LILRB1: variants seen among roughly 807,000 people sequenced by gnomAD.
LILRB1 encodes leukocyte immunoglobulin like receptor B1, also known as leukocyte immunoglobulin-like receptor subfamily B member 1.
In LILRB1, 59 loss-of-function variants were observed where a neutral mutation model predicts 74.6. The ratio of observed to expected loss-of-function variants is 0.79; its 90% confidence interval spans 0.64 to 0.98. LILRB1 has a LOEUF of 0.98. Ranked by LOEUF, LILRB1 falls within the 50% of genes least tolerant of loss-of-function variation. The pLI is 0.00. For synonymous variants in LILRB1, 328 were observed against 333.9 expected (o/e 0.98, Z 0.19); for missense variants, 804 against 822.6 (o/e 0.98, Z 0.28).
intron 10 of LILRB1, 139 bp downstream of exon 10, chr19:54,634,902 C>A: frequency 1.3e-6 from 2 of 1,497,054 alleles, no homozygotes; most frequent in South Asian, 1.3e-5. Flanking sequence ...GACAGTCAGT[C>A]CCATCTACAA....
At chr19:54,636,247 G>A (rs1033247521) in intron 13 of LILRB1, 16 of 720,442 alleles carry the variant, frequency 2.2e-5, no homozygotes, top group East Asian at 1.6e-4. Flanking sequence ...ACCCTGCAAA[G>A]GCCCCCAGGC....
intron 1 of LILRB1, among the ~76,000 whole-genome samples, chr19:54,623,458 T>C (rs1017095641): frequency 3.3e-5 from 5 of 152,222 alleles, no homozygotes; most frequent in African/African-American, 1.2e-4. Context: ...AAGGTGTTCA[T>C]AGTAGTCTCT....
chr19:54,634,506 T>C, intron 9 of LILRB1, 135 bp from the exon 10 acceptor site: 3 of 1,519,598 alleles, frequency 2.0e-6, no homozygotes, highest in Non-Finnish European at 1.8e-6. Context: ...GTACAGTGGG[T>C]GGGGTGGATG....
intron 9 of LILRB1, chr19:54,634,314 G>T (rs774012374): frequency 1.3e-6 from 2 of 1,540,462 alleles, no homozygotes; most frequent in Non-Finnish European, 1.8e-6. Flanking sequence ...CCTGGGGCAG[G>T]GGAGGGGAGA....
Position 54,633,219 on chromosome 19 carries a change from ACCT to A in LILRB1, c.1164_1166del (p.Ser389del), listed in dbSNP as rs778537727. 6.2e-7 allele frequency: 1 copy of A among 1,614,102 alleles called. No individual in the cohort carries two copies. Among genetic ancestry groups the A allele is most frequent in the African/African-American group, 1.3e-5 (1 of 75,016 alleles). On this transcript the variant is annotated inframe_deletion, in exon 7 of 15. Coordinates refer to ENST00000324602, the MANE Select transcript of LILRB1 (RefSeq NM_001081637.3). ...GGCTGAATTCCCCATGGGTCCTGTG[ACCT>A]CAGCCCATGCGGGGACCTACAGGTG...
At chr19:54,627,802 A>G (rs1448499591), upstream of LILRB1, among the ~76,000 whole-genome samples, 2 of 152,208 alleles carry the variant, frequency 1.3e-5, no homozygotes, top group African/African-American at 4.8e-5. Context: ...TCCTCACAGA[A>G]GAAGACTTCT....
rs201209520 is a variant in LILRB1 at position 54,631,500 on chromosome 19, G to A, written c.71G>A (p.Gly24Glu). Residue 24 changes from glycine to glutamate, a missense_variant and splice_region_variant, in exon 4 of 15, where the codon GGG (glycine) becomes GAG (glutamate). Physicochemically the swap from Gly to Glu is moderately conservative, Grantham distance 98 (BLOSUM62 -2). Transcript: ENST00000324602. ...SLGPRTHVQA[G>E]HLPKPTLWAE... ...AATCTGACTCCTGATTTCCTTCCAG[G>A]GCACCTCCCCAAGCCCACCCTCTGG... 1.5e-5 allele frequency: 24 copies of A among 1,607,084 alleles called. No individual in the cohort carries two copies. The African/African-American group carries it at 2.8e-4, about 19-fold the overall frequency.
rs749360531 is a variant in LILRB1, at chr19:54,632,008, G to T, written c.432G>T (p.Gln144His). The T allele has an allele frequency of 2.5e-6, 4 of 1,614,050 alleles. No individual in the cohort carries two copies. The highest frequency in any genetic ancestry group is 1.7e-5 in the Admixed American group (1 of 60,016). Residue 144 changes from glutamine (Q) to histidine (H), a missense_variant, in exon 5 of 15, where the codon CAG becomes CAT. Physicochemically the swap from Gln to His is conservative, Grantham distance 24. Coordinates refer to ENST00000324602, the MANE Select transcript of LILRB1 (RefSeq NM_001081637.3). ...ACTCAGGAGGGAATGTAACCCTCCAGTGTGACTCACAGGTGGCATTTGATG... is the reference window on the plus strand; with the variant it reads ...ACTCAGGAGGGAATGTAACCCTCCATTGTGACTCACAGGTGGCATTTGATG... ...VVNSGGNVTL[Q>H]CDSQVAFDGF...
intron 12 of LILRB1, 81 bp from the exon 13 acceptor site, chr19:54,635,476 G>A: frequency 1.3e-6 from 2 of 1,552,042 alleles, no homozygotes; most frequent in Non-Finnish European, 1.8e-6. Context: ...GGCCCCATCT[G>A]GGAGCTGAGC....
At position 54,636,928 on chromosome 19, in the gene LILRB1, G is replaced by T; in HGVS notation, c.*50G>T. ...ACTCCATGGAGTCTGGAATGCATGG[G>T]AGCTGCCCCCCCAGTGGACACCATT... On this transcript the variant is annotated 3_prime_UTR_variant, in exon 15 of 15. Transcript: ENST00000324602. 1 of 1,609,320 alleles carries T rather than the reference G, an allele frequency of 6.2e-7. No homozygotes were observed. Among genetic ancestry groups the T allele is most frequent in the Non-Finnish European group, 8.5e-7 (1 of 1,176,816 alleles).
chr19:54,616,914 C>T (rs2063324130), upstream of LILRB1, among the ~76,000 whole-genome samples: 1 of 152,134 alleles, frequency 6.6e-6, no homozygotes, highest in South Asian at 2.1e-4. Flanking sequence ...GAGTGGCCTA[C>T]AGGGAACACC....
At chr19:54,624,157 C>T (rs1049997325) in intron 1 of LILRB1, among the ~76,000 whole-genome samples, 6 of 152,190 alleles carry the variant, frequency 3.9e-5, no homozygotes, top group African/African-American at 1.2e-4. Flanking sequence ...CTGGAACCCC[C>T]GGCTTGCCCA....
Position 54,632,676 on chromosome 19 carries a change from G to A in LILRB1, c.874G>A (p.Gly292Arg), listed in dbSNP as rs1183360601. The A allele has an allele frequency of 1.4e-5, 22 of 1,613,376 alleles. No individual in the cohort carries two copies. The highest frequency in any genetic ancestry group is 1.8e-4 in the Middle Eastern group (1 of 5,594). ...FTLGPVSRSY[G>R]GQYRCYGAHN... The stretch of plus-strand genomic sequence containing the variant: ...CCTGGGCCCTGTGAGCCGCTCCTAC[G>A]GGGGCCAGTACAGATGCTACGGTGC... The change falls in exon 6 of 15, where the codon GGG becomes AGG. Residue 292 changes from glycine to arginine, a missense_variant. Physicochemically the swap from Gly to Arg is moderately radical, Grantham distance 125. Coordinates refer to ENST00000324602, the MANE Select transcript of LILRB1 (RefSeq NM_001081637.3).
At chr19:54,633,935 G>A in intron 8 of LILRB1, 36 bp from the exon 9 acceptor site, 2 of 1,570,930 alleles carry the variant, frequency 1.3e-6, no homozygotes, top group Non-Finnish European at 1.7e-6. Flanking sequence ...TGGGGAGCAG[G>A]GCAGCCCCAG....
At chr19:54,626,059 A>G (rs890110024), upstream of LILRB1, among the ~76,000 whole-genome samples, 4 of 152,140 alleles carry the variant, frequency 2.6e-5, no homozygotes, top group Non-Finnish European at 4.4e-5. Flanking sequence ...GAACCCCAGC[A>G]TCCTCTTGGA....
rs2064117294 is a variant in LILRB1 at position 54,633,636 on chromosome 19, AG to A, written c.1262del. On this transcript the variant is annotated splice_acceptor_variant, in intron 7 of 14. Transcript: ENST00000324602. LOFTEE classifies it high-confidence loss of function. Reference sequence around the variant, plus strand: ...TCAGCCTCCTCTCATTCTTTTACCCAGGACCGTCTGGGGGCCCCAGCTCCCC... The same window carrying A: ...TCAGCCTCCTCTCATTCTTTTACCCAGACCGTCTGGGGGCCCCAGCTCCCC... 1.2e-6 allele frequency: 2 copies of A among 1,613,154 alleles called. No homozygotes were observed. The highest frequency in any genetic ancestry group is 2.7e-5 in the African/African-American group (2 of 74,830).
At chr19:54,632,268 C>G in intron 5 of LILRB1, 31 bp downstream of exon 5, 1 of 1,598,442 alleles carries the variant, frequency 6.3e-7, no homozygotes, top group Non-Finnish European at 8.5e-7. Flanking sequence ...CCTGGAGTTC[C>G]CTGAGTCTCC....
At chr19:54,619,946 T>C (rs924333826) in intron 1 of LILRB1, among the ~76,000 whole-genome samples, 3 of 79,590 alleles carry the variant, frequency 3.8e-5, no homozygotes, top group African/African-American at 1.4e-4. Context: ...TATGTTATGT[T>C]AAACCTCGTT....
chr19:54,619,392 T>G (rs574858570), intron 1 of LILRB1, among the ~76,000 whole-genome samples: 12 of 152,228 alleles, frequency 7.9e-5, no homozygotes, highest in Non-Finnish European at 1.6e-4. Flanking sequence ...ATAATAGTCA[T>G]TCTACAGATG....
Sources: gnomAD v4.1 joint callset for allele counts (sites outside exome capture counted in the v4.1 genomes callset) on GRCh38, gnomAD v4.1.1 for gene constraint, MANE v1.5 for transcripts, NCBI Gene and HGNC (gene_info 2026-07-23, HGNC 2026-07-21) for gene names.